Variants in TPRG1 observed in about 807,000 individuals in gnomAD.
The protein encoded by TPRG1 is tumor protein p63-regulated gene 1 protein.
A neutral mutation model predicts 29.3 loss-of-function variants in TPRG1; 29 were observed. The observed-to-expected ratio is 0.99, with a 90% CI of 0.74 to 1.35. The LOEUF is 1.35. Among genes scored for constraint, TPRG1 ranks in the 40% most tolerant of loss-of-function variants. TPRG1 has a pLI of 0.00. For missense variants in TPRG1, 327 were observed against 335.0 expected (o/e 0.98, Z 0.19); for synonymous variants, 130 against 116.8 (o/e 1.11, Z -0.73).
At chr3:189,308,919 G>A (rs1464174778) in intron 4 of TPRG1, among the ~76,000 whole-genome samples, 1 of 151,982 alleles carries the variant, frequency 6.6e-6, no homozygotes, top group Non-Finnish European at 1.5e-5. Flanking sequence ...AAAGAGCTGG[G>A]GGATAATAAA....
chr3:189,236,077 T>G (rs1348070490), intron 3 of TPRG1, among the ~76,000 whole-genome samples: 1 of 152,198 alleles, frequency 6.6e-6, no homozygotes, highest in Non-Finnish European at 1.5e-5. Context: ...AAAGTGTGAA[T>G]GATGTCTAAA....
At chr3:189,241,494 G>T (rs1740586500) in intron 4 of TPRG1, among the ~76,000 whole-genome samples, 1 of 151,872 alleles carries the variant, frequency 6.6e-6, no homozygotes, top group Admixed American at 6.6e-5. Context: ...GTGTATTAGA[G>T]AACTGAATTC....
chr3:189,124,540 TTG>T (rs139080058), intron 1 of TPRG1, among the ~76,000 whole-genome samples: 32 of 150,056 alleles, frequency 2.1e-4, no homozygotes, highest in Admixed American at 5.3e-4. Context: ...ACAAAGGACT[TTG>T]TGTGTGTGTG....
chr3:189,080,434 A>G (rs1427848154), intron 4 of TPRG1, among the ~76,000 whole-genome samples: 7 of 152,176 alleles, frequency 4.6e-5, no homozygotes, highest in Non-Finnish European at 1.0e-4. Flanking sequence ...AGAAATAGGA[A>G]AAGTAAAATA....
chr3:189,022,776 G>T (rs906980075), intron 3 of TPRG1, among the ~76,000 whole-genome samples: 2 of 152,238 alleles, frequency 1.3e-5, no homozygotes, highest in Non-Finnish European at 2.9e-5. Context: ...CTTCCCGGCT[G>T]CTTTGTTTAC....
At chr3:189,125,819 G>T (rs1447791326) in intron 1 of TPRG1, among the ~76,000 whole-genome samples, 1 of 40,762 alleles carries the variant, frequency 2.5e-5, no homozygotes, top group African/African-American at 4.5e-4. Flanking sequence ...TGTTTTGTGT[G>T]TGTGTGTGTG....
At chr3:189,204,504 G>A (rs925319514) in intron 1 of TPRG1, among the ~76,000 whole-genome samples, 2 of 152,172 alleles carry the variant, frequency 1.3e-5, no homozygotes, top group Non-Finnish European at 2.9e-5. Context: ...GGATAGCTGG[G>A]CTCAACTTTC....
At chr3:189,031,543 C>T (rs1057471149) in intron 4 of TPRG1, among the ~76,000 whole-genome samples, 7 of 152,182 alleles carry the variant, frequency 4.6e-5, no homozygotes, top group Admixed American at 6.5e-5. Context: ...GTATTCCTTA[C>T]ATTGCTGGCT....
At chr3:189,294,802 TTA>T (rs1491351979) in intron 4 of TPRG1, among the ~76,000 whole-genome samples, 1 of 131,446 alleles carries the variant, frequency 7.6e-6, no homozygotes, top group Non-Finnish European at 1.5e-5. Context: ...ACCCTTACAG[TTA>T]CACACACACA....
chr3:189,302,582 T>C (rs954903136), intron 4 of TPRG1, among the ~76,000 whole-genome samples: 2 of 152,206 alleles, frequency 1.3e-5, no homozygotes, highest in African/African-American at 2.4e-5. Flanking sequence ...AAGAAAGTTA[T>C]CACTTTTAAT....
chr3:189,117,721 G>A (rs906332138), intron 1 of TPRG1, among the ~76,000 whole-genome samples: 3 of 152,104 alleles, frequency 2.0e-5, no homozygotes, highest in East Asian at 1.9e-4. Flanking sequence ...ATTTACCCTC[G>A]TTGTACTCAT....
chr3:189,143,028 A>G (rs1724780194), intron 3 of TPRG1, among the ~76,000 whole-genome samples: 1 of 152,266 alleles, frequency 6.6e-6, no homozygotes, highest in Admixed American at 6.5e-5. Context: ...TACAAGTGAT[A>G]GTCATGATTC....
chr3:189,050,131 A>G (rs1246043213), intron 4 of TPRG1, among the ~76,000 whole-genome samples: 1 of 152,198 alleles, frequency 6.6e-6, no homozygotes. Context: ...AACACAAAAG[A>G]TAAATGAAAC....
intron 4 of TPRG1, among the ~76,000 whole-genome samples, chr3:189,029,272 A>G (rs16863897): frequency 0.017 from 2,650 of 152,318 alleles, 72 homozygotes; most frequent in African/African-American, 0.06. Flanking sequence ...CTGAAAACAG[A>G]CACCTGGAAA....
intron 5 of TPRG1, among the ~76,000 whole-genome samples, chr3:189,310,871 A>G (rs1237218802): frequency 6.6e-6 from 1 of 152,162 alleles, no homozygotes; most frequent in Non-Finnish European, 1.5e-5. Context: ...GAAGTGTGGA[A>G]TAGTATAAAG....
At chr3:189,136,471 G>A (rs898039196) in intron 3 of TPRG1, among the ~76,000 whole-genome samples, 13 of 152,058 alleles carry the variant, frequency 8.5e-5, no homozygotes, top group African/African-American at 2.2e-4. Flanking sequence ...TTCTTCTTGC[G>A]GGATATTGTG....
intron 3 of TPRG1, among the ~76,000 whole-genome samples, chr3:189,011,491 G>C (rs750383604): frequency 1.3e-5 from 2 of 152,178 alleles, no homozygotes; most frequent in African/African-American, 2.4e-5. Flanking sequence ...TGTGGCTAGG[G>C]ATGCCTCTCA....
intron 1 of TPRG1, among the ~76,000 whole-genome samples, chr3:189,199,227 C>A (rs1733053641): frequency 6.6e-6 from 1 of 152,154 alleles, no homozygotes; most frequent in African/African-American, 2.4e-5. Context: ...ATTCCTGTGA[C>A]CTTACAGCTT....
At chr3:189,220,544 C>A (rs1203474588) in intron 3 of TPRG1, among the ~76,000 whole-genome samples, 15 of 152,070 alleles carry the variant, frequency 9.9e-5, no homozygotes. Context: ...AGGTACTAAG[C>A]CCAGTACTCA....
Sources: allele counts gnomAD v4.1 joint callset (sites outside exome capture counted in the v4.1 genomes callset), GRCh38; gene constraint gnomAD v4.1.1; transcripts MANE v1.5; gene names NCBI Gene and HGNC (gene_info 2026-07-23, HGNC 2026-07-21).